The following DPP6 variants were observed in gnomAD, a reference collection of about 807,000 sequenced individuals.
DPP6 encodes the protein A-type potassium channel modulatory protein DPP6.
DPP6 carries 69 observed loss-of-function variants against 122.6 expected under a neutral mutation model. The ratio of observed to expected loss-of-function variants is 0.56; its 90% CI spans 0.46 to 0.69. The LOEUF (loss-of-function observed/expected upper bound fraction) is 0.69. Among genes scored for constraint, DPP6 ranks in the 30% least tolerant of loss-of-function variants. DPP6 has a pLI of 0.00. For missense variants in DPP6, 928 were observed against 1,116.9 expected (o/e 0.83, Z 2.41); for synonymous variants, 418 against 433.1 (o/e 0.97, Z 0.43).
chr7:153,892,941 G>A (rs1351387945), intron 1 of DPP6, among the ~76,000 whole-genome samples: 1 of 152,088 alleles, frequency 6.6e-6, no homozygotes, highest in African/African-American at 2.4e-5. Context: ...TTGAAATATT[G>A]ATTAATCCCA....
At chr7:154,623,676 C>T (rs1486191214) in intron 5 of DPP6, among the ~76,000 whole-genome samples, 4 of 152,088 alleles carry the variant, frequency 2.6e-5, no homozygotes, top group African/African-American at 7.2e-5. Context: ...CACACACACA[C>T]GCACATGCAC....
chr7:154,874,349 A>T (rs1804672688), intron 19 of DPP6, among the ~76,000 whole-genome samples: 1 of 152,148 alleles, frequency 6.6e-6, no homozygotes, highest in Non-Finnish European at 1.5e-5. Flanking sequence ...CCCGGTGGAG[A>T]CAGCTGAGCT....
intron 16 of DPP6, among the ~76,000 whole-genome samples, chr7:154,826,118 G>T (rs557197779): frequency 6.6e-6 from 1 of 152,354 alleles, no homozygotes; most frequent in East Asian, 1.9e-4. Context: ...TAAGGATTGT[G>T]AGCAGTTCCA....
At chr7:154,676,976 T>C (rs1444597799) in intron 7 of DPP6, among the ~76,000 whole-genome samples, 1 of 152,212 alleles carries the variant, frequency 6.6e-6, no homozygotes, top group Non-Finnish European at 1.5e-5. Flanking sequence ...ACAAAATATG[T>C]GGAGGATAGA....
chr7:153,862,123 G>A, the DPP6 span, among the ~76,000 whole-genome samples: 1 of 152,188 alleles, frequency 6.6e-6, no homozygotes, highest in Non-Finnish European at 1.5e-5. Context: ...GCTCCATTTG[G>A]ACTTCAGAAA....
chr7:154,837,178 C>T (rs936808908), intron 16 of DPP6, among the ~76,000 whole-genome samples: 9 of 151,744 alleles, frequency 5.9e-5, no homozygotes, highest in Admixed American at 5.3e-4. Context: ...CATGCATACA[C>T]AGATGCATGC....
intron 1 of DPP6, among the ~76,000 whole-genome samples, chr7:154,301,583 T>A (rs1201385396): frequency 6.6e-6 from 1 of 152,148 alleles, no homozygotes; most frequent in Admixed American, 6.5e-5. Context: ...ATGGCACCGA[T>A]AATGCCCAGG....
chr7:153,957,938 T>C lies in DPP6; in HGVS notation c.51+70204T>C, dbSNP rs1278093059. The stretch of plus-strand genomic sequence containing the variant: ...CAGCACTTGGGGAGGCCAAGGTGGG[T>C]GGATCACCTGAGGTCAGGAGCTCAA... On this transcript the variant is annotated intron_variant, in intron 1 of 25. Transcript: ENST00000404039. Among the ~76,000 whole-genome samples the C allele has an allele frequency of 5.9e-5, 9 of 152,154 alleles. No individual in the cohort carries two copies. The East Asian group carries it at 1.8e-3, about 30-fold the overall frequency.
chr7:154,194,101 A>G (rs1798744919), intron 1 of DPP6, among the ~76,000 whole-genome samples: 1 of 152,216 alleles, frequency 6.6e-6, no homozygotes, highest in Non-Finnish European at 1.5e-5. Flanking sequence ...GGTATTCCTT[A>G]CTTTGACAAA....
chr7:154,804,649 C>CT (rs895896978), intron 14 of DPP6, among the ~76,000 whole-genome samples: 1 of 152,224 alleles, frequency 6.6e-6, no homozygotes, highest in African/African-American at 2.4e-5. Flanking sequence ...GTGTCACCCC[C>CT]AACCACAGTA....
chr7:154,019,658 A>G (rs1307668878), intron 1 of DPP6, among the ~76,000 whole-genome samples: 1 of 152,170 alleles, frequency 6.6e-6, no homozygotes, highest in African/African-American at 2.4e-5. Context: ...TTCAGTGAAC[A>G]TAGTCATTAA....
chr7:154,870,210 A>G (rs1804275721), intron 18 of DPP6, among the ~76,000 whole-genome samples: 1 of 145,716 alleles, frequency 6.9e-6, no homozygotes, highest in Non-Finnish European at 1.5e-5. Flanking sequence ...GTCTTGAACT[A>G]CGGGGCTCAA....
In DPP6 at chr7:154,666,831, G is replaced by T. The variant is rs139161238; in HGVS notation, c.681-2529G>T. Among the ~76,000 whole-genome samples, 14 of 152,322 alleles carry T rather than the reference G, an allele frequency of 9.2e-5. No homozygotes were observed. In the East Asian group the frequency reaches 2.7e-3, roughly 29 times the overall value. On this transcript the variant is annotated intron_variant, in intron 6 of 25. Coordinates refer to ENST00000377770, the MANE Select transcript of DPP6 (RefSeq NM_130797.4). ...GTGCACATGTATTTGTGCATTGTTTGAGGTGAATTCTCTAGGAGTCTAGAA... is the reference window on the plus strand; with the variant it reads ...GTGCACATGTATTTGTGCATTGTTTTAGGTGAATTCTCTAGGAGTCTAGAA...
chr7:154,861,505 G>A (rs960749670), intron 17 of DPP6, among the ~76,000 whole-genome samples: 5 of 151,848 alleles, frequency 3.3e-5, no homozygotes, highest in Admixed American at 6.6e-5. Context: ...CCATTTGTCC[G>A]CCCGTCACCC....
chr7:153,961,662 A>G (rs1003595129), intron 1 of DPP6, among the ~76,000 whole-genome samples: 1 of 151,800 alleles, frequency 6.6e-6, no homozygotes, highest in Non-Finnish European at 1.5e-5. Context: ...TAATGAAATA[A>G]CTGTACAACT....
At chr7:154,446,185 G>T in intron 1 of DPP6, 29 bp from the exon 2 acceptor site, 1 of 1,414,102 alleles carries the variant, frequency 7.1e-7, no homozygotes, top group African/African-American at 1.4e-5. Context: ...TTCACTCACT[G>T]GGGTTTTCTT....
intron 1 of DPP6, among the ~76,000 whole-genome samples, chr7:154,411,819 G>T (rs28391464): frequency 2.7e-3 from 404 of 152,194 alleles, no homozygotes; most frequent in African/African-American, 9.2e-3. Flanking sequence ...TGATTTGGGC[G>T]CTAATAATAC....
intron 16 of DPP6, among the ~76,000 whole-genome samples, chr7:154,834,150 C>T (rs7780428): frequency 0.13 from 20,343 of 151,902 alleles, 1,940 homozygotes; most frequent in African/African-American, 0.27. Context: ...TCCCAGCTGC[C>T]ACTGAGGAAT....
intron 1 of DPP6, among the ~76,000 whole-genome samples, chr7:153,899,507 A>T (rs1262628139): frequency 6.6e-6 from 1 of 152,130 alleles, no homozygotes; most frequent in African/African-American, 2.4e-5. Flanking sequence ...TCTTCTCGTC[A>T]ACTTGGCCGG....
Sources: gnomAD v4.1 joint callset for allele counts (sites outside exome capture counted in the v4.1 genomes callset) on GRCh38, gnomAD v4.1.1 for gene constraint, MANE v1.5 for transcripts, NCBI Gene and HGNC (gene_info 2026-07-23, HGNC 2026-07-21) for gene names.